Variants in FAM24B observed in about 807,000 individuals in gnomAD.
FAM24B encodes protein FAM24B.
In FAM24B, 3 loss-of-function variants were observed where a neutral mutation model predicts 2.3. That is an observed-to-expected ratio of 1.29 (90% confidence interval 0.59 to 3.32). The LOEUF is 3.32. Among genes scored for constraint, FAM24B ranks in the 30% most tolerant of loss-of-function variants. The probability of loss-of-function intolerance (pLI) is 0.03; values close to 1 mark genes in which losing one functional copy is unlikely to be tolerated. For missense variants in FAM24B, 98 were observed against 117.2 expected (o/e 0.84, Z 0.76); for synonymous variants, 36 against 46.3 (o/e 0.78, Z 0.90).
At chr10:122,871,659 C>A (rs1034067839) in intron 1 of FAM24B, among the ~76,000 whole-genome samples, 32 of 152,226 alleles carry the variant, frequency 2.1e-4, no homozygotes, top group Admixed American at 1.8e-3. Context: ...TGATCTTTGA[C>A]AAACCTGACA....
chr10:122,850,386 C>T, intron 3 of FAM24B, 38 bp downstream of exon 3: 4 of 1,533,954 alleles, frequency 2.6e-6, no homozygotes, highest in Non-Finnish European at 3.6e-6. Flanking sequence ...CCATGTGACT[C>T]ACTTTAGTAC....
chr10:122,872,388 A>G (rs1847911768), intron 1 of FAM24B, among the ~76,000 whole-genome samples: 1 of 152,210 alleles, frequency 6.6e-6, no homozygotes. Flanking sequence ...CGATTCCTCA[A>G]GGATCTAGAA....
chr10:122,851,716 A>G (rs1847540963), intron 2 of FAM24B, among the ~76,000 whole-genome samples: 1 of 152,242 alleles, frequency 6.6e-6, no homozygotes, highest in Non-Finnish European at 1.5e-5. Flanking sequence ...AGCCTATAAG[A>G]AAGTATGGCC....
intron 2 of FAM24B, among the ~76,000 whole-genome samples, chr10:122,854,732 G>C (rs1419457342): frequency 6.6e-6 from 1 of 152,186 alleles, no homozygotes; most frequent in Admixed American, 6.5e-5. Context: ...CAGAATCAGT[G>C]AGTTCAACTT....
chr10:122,865,575 T>C (rs1847791022), intron 1 of FAM24B, among the ~76,000 whole-genome samples: 1 of 152,214 alleles, frequency 6.6e-6, no homozygotes, highest in South Asian at 2.1e-4. Context: ...GTCTGTATGT[T>C]TCCATTCTCC....
intron 1 of FAM24B, among the ~76,000 whole-genome samples, chr10:122,856,878 C>T (rs985124232): frequency 3.3e-5 from 5 of 152,214 alleles, no homozygotes; most frequent in Non-Finnish European, 7.3e-5. Flanking sequence ...ATCCCTCCCT[C>T]CACTTCCCAC....
At chr10:122,866,041 T>C (rs1259127744) in intron 1 of FAM24B, among the ~76,000 whole-genome samples, 1 of 152,002 alleles carries the variant, frequency 6.6e-6, no homozygotes, top group East Asian at 1.9e-4. Flanking sequence ...TAGCTGGAAC[T>C]ACAGGTGCAT....
At chr10:122,850,664 T>C (rs1847518808) in intron 2 of FAM24B, 114 bp from the exon 3 acceptor site, 3 of 647,226 alleles carry the variant, frequency 4.6e-6, no homozygotes, top group South Asian at 1.8e-5. Flanking sequence ...CAGATCCTTA[T>C]GTGTGTAAAA....
rs904968370 is a variant in FAM24B, at chr10:122,852,010, C to T, written c.-35-1460G>A. On this transcript the variant is annotated intron_variant, in intron 2 of 3. Coordinates refer to ENST00000368898, the MANE Select transcript of FAM24B (RefSeq NM_152644.3). ...AGCAGATTGGGATTGACAGAAGAATCAGTGAACTTGAAGATAGTTGAGATT... is the reference window on the plus strand; with the variant it reads ...AGCAGATTGGGATTGACAGAAGAATTAGTGAACTTGAAGATAGTTGAGATT... Among the ~76,000 whole-genome samples the T allele has an allele frequency of 3.3e-5, 5 of 152,000 alleles. No homozygotes were observed. In the East Asian group the frequency reaches 9.6e-4, roughly 29 times the overall value.
chr10:122,857,654 T>C (rs569819529), intron 1 of FAM24B, among the ~76,000 whole-genome samples: 9 of 152,328 alleles, frequency 5.9e-5, no homozygotes, highest in South Asian at 2.1e-4. Flanking sequence ...ATGGTACTTA[T>C]GTATCTGTTT....
chr10:122,867,287 A>G (rs950946216), intron 1 of FAM24B, among the ~76,000 whole-genome samples: 1 of 152,244 alleles, frequency 6.6e-6, no homozygotes, highest in African/African-American at 2.4e-5. Flanking sequence ...TAAACAAAGC[A>G]GCTGGGAAGA....
At chr10:122,864,386 CATA>C (rs1384306507) in intron 1 of FAM24B, among the ~76,000 whole-genome samples, 16 of 152,264 alleles carry the variant, frequency 1.1e-4, no homozygotes, top group South Asian at 4.1e-4. Context: ...GTCACTGTTG[CATA>C]ATATCACTGA....
intron 1 of FAM24B, among the ~76,000 whole-genome samples, chr10:122,877,364 T>C (rs1213659136): frequency 1.3e-5 from 2 of 152,146 alleles, no homozygotes; most frequent in Non-Finnish European, 2.9e-5. Flanking sequence ...TGGAGGTCGC[T>C]AGGCTTGCTG....
intron 2 of FAM24B, among the ~76,000 whole-genome samples, chr10:122,852,542 T>C (rs970731849): frequency 3.3e-5 from 5 of 152,132 alleles, no homozygotes; most frequent in African/African-American, 4.8e-5. Flanking sequence ...GGTGGCCTTA[T>C]TACCACTGCG....
At chr10:122,876,670 G>A (rs1847980958) in intron 1 of FAM24B, among the ~76,000 whole-genome samples, 1 of 152,152 alleles carries the variant, frequency 6.6e-6, no homozygotes, top group Admixed American at 6.5e-5. Flanking sequence ...TATCAGTTGT[G>A]ATTTTCTGTA....
At chr10:122,860,933 AGCCCTTTATGAAAT>A (rs796976601) in intron 1 of FAM24B, among the ~76,000 whole-genome samples, 42 of 152,232 alleles carry the variant, frequency 2.8e-4, no homozygotes, top group African/African-American at 9.6e-4. Context: ...TCTGGATCTA[AGCCCTTTATGAAAT>A]ATGTGATTTG....
chr10:122,868,552 A>G (rs1356075520), intron 1 of FAM24B, among the ~76,000 whole-genome samples: 1 of 152,184 alleles, frequency 6.6e-6, no homozygotes, highest in Non-Finnish European at 1.5e-5. Context: ...GGTTACCCAC[A>G]AAGGGAAGCC....
rs140181928 is a variant in FAM24B, at chr10:122,860,152, G to C, written c.-177-4366C>G. Among the ~76,000 whole-genome samples the C allele has an allele frequency of 5.1e-4, 77 of 152,250 alleles. No individual in the cohort carries two copies. In the East Asian group the frequency reaches 0.013, roughly 25 times the overall value. ...GTCCACAACAATACCATAAAGAACA[G>C]TTCCATCACCTTAAAAAGTTCCCTT... is the stretch of plus-strand genomic sequence containing the variant. On this transcript the variant is annotated intron_variant, in intron 1 of 3. Coordinates refer to ENST00000368898, the MANE Select transcript of FAM24B (RefSeq NM_152644.3).
intron 2 of FAM24B, among the ~76,000 whole-genome samples, chr10:122,852,847 T>C (rs1197683656): frequency 3.3e-5 from 5 of 152,204 alleles, no homozygotes; most frequent in Admixed American, 2.6e-4. Context: ...GCTTTTTCTA[T>C]GGTGTTTGCC....
Sources: gnomAD v4.1 joint callset for allele counts (sites outside exome capture counted in the v4.1 genomes callset) on GRCh38, gnomAD v4.1.1 for gene constraint, MANE v1.5 for transcripts, NCBI Gene and HGNC (gene_info 2026-07-23, HGNC 2026-07-21) for gene names.